The following DGKH variants were observed in gnomAD, a reference collection of about 807,000 sequenced individuals.
DGKH encodes DAG kinase eta.
DGKH carries 90 observed loss-of-function variants against 159.3 expected under a neutral mutation model. The ratio of observed to expected loss-of-function variants is 0.57; its 90% confidence interval spans 0.48 to 0.67. The LOEUF (loss-of-function observed/expected upper bound fraction) is 0.67. Ranked by LOEUF, DGKH falls within the 30% of genes least tolerant of loss-of-function variation. The pLI, the probability that DGKH is intolerant of heterozygous loss-of-function variation, is 0.00. For synonymous variants in DGKH, 536 were observed against 553.8 expected, an observed-to-expected ratio of 0.97 and a Z score of 0.45; for missense variants, 1,181 against 1,506.1, an observed-to-expected ratio of 0.78 and a Z score of 3.57.
In DGKH at chr13:42,242,584, C is replaced by A. The variant is rs1033188394; in HGVS notation, c.*13396C>A. 1 of 152,084 alleles carries A rather than the reference C, an allele frequency of 6.6e-6. No homozygotes were observed. Among genetic ancestry groups the A allele is most frequent in the African/African-American group, 2.4e-5 (1 of 41,412 alleles). The allele number at this position is 152,084 out of a possible 1,614,324, so 9.4% of individuals were successfully genotyped here. ...TATATACAATTGAGATATTTATTGC[C>A]TACTATTTTAAAGATGTTTTATGTG... On this transcript the variant is annotated 3_prime_UTR_variant, in exon 30 of 30. Coordinates refer to ENST00000337343, the MANE Select transcript of DGKH (RefSeq NM_178009.5).
intron 11 of DGKH, among the ~76,000 whole-genome samples, chr13:42,171,287 G>A (rs373985110): frequency 3.9e-5 from 6 of 152,230 alleles, no homozygotes; most frequent in Non-Finnish European, 5.9e-5. Context: ...GTAATAGAAC[G>A]GGCATGGTAA....
At chr13:42,216,938 G>A (rs1324202732) in intron 26 of DGKH, among the ~76,000 whole-genome samples, 1 of 152,030 alleles carries the variant, frequency 6.6e-6, no homozygotes, top group Non-Finnish European at 1.5e-5. Context: ...TTCTCTACAC[G>A]AAAAGTACCT....
intron 1 of DGKH, among the ~76,000 whole-genome samples, chr13:42,118,325 A>G (rs1284556086): frequency 1.3e-5 from 2 of 152,192 alleles, no homozygotes; most frequent in Admixed American, 6.5e-5. Context: ...TCTTTGTTTT[A>G]AAATACACAG....
At chr13:42,174,730 C>G (rs982111495) in intron 12 of DGKH, among the ~76,000 whole-genome samples, 3 of 152,148 alleles carry the variant, frequency 2.0e-5, no homozygotes, top group African/African-American at 4.8e-5. Context: ...GAGACAGGGT[C>G]TTGCTCTGTG....
At chr13:42,157,786 T>C (rs1196822456) in intron 5 of DGKH, among the ~76,000 whole-genome samples, 1 of 152,234 alleles carries the variant, frequency 6.6e-6, no homozygotes, top group Non-Finnish European at 1.5e-5. Flanking sequence ...GACAGAGTGT[T>C]GCTGTGTCTC....
chr13:42,174,373 A>C (rs2138044463), intron 12 of DGKH, among the ~76,000 whole-genome samples: 1 of 152,276 alleles, frequency 6.6e-6, no homozygotes, highest in East Asian at 1.9e-4. Context: ...GGGAGTGCCC[A>C]GTCACTCCTC....
upstream of DGKH, among the ~76,000 whole-genome samples, chr13:42,044,490 C>T (rs1265946542): frequency 1.3e-5 from 2 of 152,080 alleles, no homozygotes; most frequent in Non-Finnish European, 2.9e-5. Flanking sequence ...GGGGTTTCAC[C>T]TTGTTAGCCA....
At chr13:42,078,909 CT>C (rs55801562) in intron 1 of DGKH, among the ~76,000 whole-genome samples, 559 of 93,560 alleles carry the variant, frequency 6.0e-3, no homozygotes, top group African/African-American at 0.022. Flanking sequence ...GTATATTCTC[CT>C]TTTTTTTTTT....
At chr13:42,173,443 A>C (rs1488551828) in intron 11 of DGKH, among the ~76,000 whole-genome samples, 1 of 152,220 alleles carries the variant, frequency 6.6e-6, no homozygotes. Context: ...TAATTGAAAT[A>C]AATTTACTTC....
At chr13:42,118,065 A>C (rs939379014) in intron 1 of DGKH, among the ~76,000 whole-genome samples, 1 of 152,066 alleles carries the variant, frequency 6.6e-6, no homozygotes, top group African/African-American at 2.4e-5. Context: ...AAAAGACAAA[A>C]AATTAGCCGG....
rs1470269272 is a variant in DGKH at position 42,187,114 on chromosome 13, A to C, written c.1604A>C (p.Glu535Ala). 1 of 1,614,106 alleles carries C rather than the reference A, an allele frequency of 6.2e-7. No individual in the cohort carries two copies. Among genetic ancestry groups the C allele is most frequent in the East Asian group, 2.2e-5 (1 of 44,876 alleles). The stretch of plus-strand genomic sequence containing the variant: ...GAAAAGACGTATGACAAAACCTTGG[A>C]AAATGCCGTTGTAGCTGATGCCGTG... ...KVEKTYDKTL[E>A]NAVVADAVAS... Residue 535 changes from glutamate (E) to alanine (A), a missense_variant, in exon 14 of 30, where the codon GAA becomes GCA. Coordinates refer to ENST00000337343, the MANE Select transcript of DGKH (RefSeq NM_178009.5).
At chr13:42,083,655 G>A (rs565159830) in intron 1 of DGKH, among the ~76,000 whole-genome samples, 20 of 152,244 alleles carry the variant, frequency 1.3e-4, no homozygotes, top group Admixed American at 7.2e-4. Flanking sequence ...GCTTCCCTGA[G>A]CAACTCGTTG....
downstream of DGKH, among the ~76,000 whole-genome samples, chr13:42,243,186 C>T (rs185523320): frequency 6.6e-6 from 1 of 152,254 alleles, no homozygotes; most frequent in East Asian, 1.9e-4. Flanking sequence ...TCCCTCTTGC[C>T]CTCACACACT....
chr13:42,188,898 A>T lies in DGKH; in HGVS notation c.1639-138A>T, dbSNP rs1471923522. The T allele has an allele frequency of 1.0e-4, 100 of 967,946 alleles. 3 individuals carry two copies. The East Asian group carries it at 2.6e-3, about 25-fold the overall frequency. 60.0% of individuals were successfully genotyped at this position (967,946 alleles called of 1,614,324 possible). A position where few individuals can be genotyped will look rare whatever the true frequency, so the allele number is the denominator to read the frequency against. ...TGCTTCCAGAACCAAAACATCTACA[A>T]AATTAAAGGTGAGAATTTTGGTGTT... On this transcript the variant is annotated intron_variant, in intron 14 of 29. Coordinates refer to ENST00000337343, the MANE Select transcript of DGKH (RefSeq NM_178009.5).
chr13:42,243,095 G>A (rs1958544757), downstream of DGKH, among the ~76,000 whole-genome samples: 1 of 152,074 alleles, frequency 6.6e-6, no homozygotes, highest in Non-Finnish European at 1.5e-5. Context: ...GATGCATAAG[G>A]TCACAATGCT....
At chr13:42,256,137 C>A in intron 30 of DGKH, 1 of 1,174,986 alleles carries the variant, frequency 8.5e-7, no homozygotes, top group Non-Finnish European at 1.3e-6. Context: ...CAGTGTGAAG[C>A]AATGACCATG....
In DGKH at chr13:42,106,899, C is replaced by T. The variant is rs528267858; in HGVS notation, c.193-20564C>T. Among the ~76,000 whole-genome samples, 4 of 152,062 alleles carry T rather than the reference C, an allele frequency of 2.6e-5. No homozygotes were observed. The South Asian group carries it at 8.3e-4, about 32-fold the overall frequency. ...CTACTAAAAATACAAAAAAAAGTAG[C>T]CAGGCACAGTGGCAGGTGCCTGTAA... On this transcript the variant is annotated intron_variant, in intron 1 of 29. Coordinates refer to ENST00000337343, the MANE Select transcript of DGKH (RefSeq NM_178009.5).
At chr13:42,092,487 C>G (rs912325704) in intron 1 of DGKH, among the ~76,000 whole-genome samples, 1 of 151,936 alleles carries the variant, frequency 6.6e-6, no homozygotes. Flanking sequence ...GGGGAATAAA[C>G]CAAGGACAGA....
chr13:42,129,631 C>A lies in DGKH; in HGVS notation c.383C>A (p.Thr128Lys). The A allele has an allele frequency of 6.2e-7, 1 of 1,610,554 alleles. No individual in the cohort carries two copies. Among genetic ancestry groups the A allele is most frequent in the Non-Finnish European group, 8.5e-7 (1 of 1,178,056 alleles). ...ACGAAAAATGCTAACAACAGCTTCACGGTATGGTTATATTCTGCTAACTCC... is the reference window on the plus strand; with the variant it reads ...ACGAAAAATGCTAACAACAGCTTCAAGGTATGGTTATATTCTGCTAACTCC... ...ASTKNANNSF[T>K]IITPFRRLML... is the part of the protein sequence containing the mutation. Residue 128 changes from threonine to lysine, a missense_variant and splice_region_variant, in exon 3 of 30, where the codon ACG becomes AAG. Transcript: ENST00000337343.
Sources: allele counts gnomAD v4.1 joint callset (sites outside exome capture counted in the v4.1 genomes callset), GRCh38; gene constraint gnomAD v4.1.1; transcripts MANE v1.5; gene names NCBI Gene and HGNC (gene_info 2026-07-23, HGNC 2026-07-21).